PIK3CB: variants seen among roughly 807,000 people sequenced by gnomAD.
PIK3CB encodes phosphatidylinositol-4,5-bisphosphate 3-kinase catalytic subunit beta, also known as phosphatidylinositol 4,5-bisphosphate 3-kinase catalytic subunit beta isoform.
PIK3CB carries 39 observed loss-of-function variants against 136.8 expected under a neutral mutation model. That is an observed-to-expected ratio of 0.29 (90% CI 0.22 to 0.37). The LOEUF (loss-of-function observed/expected upper bound fraction) is 0.37, where lower values mean the gene tolerates loss of function less well. PIK3CB is among the 10% of genes least tolerant of loss of function. The probability of loss-of-function intolerance (pLI) is 1.00; values close to 1 mark genes in which losing one functional copy is unlikely to be tolerated. For synonymous variants in PIK3CB, 428 were observed against 436.6 expected (o/e 0.98, Z 0.25); for missense variants, 868 against 1,275.4 (o/e 0.68, Z 4.87).
intron 12 of PIK3CB, among the ~76,000 whole-genome samples, chr3:138,702,495 T>C (rs571952260): frequency 6.6e-6 from 1 of 152,204 alleles, no homozygotes; most frequent in East Asian, 1.9e-4. Flanking sequence ...TTAGGTCAGG[T>C]ACAAGTTTAT....
chr3:138,731,710 C>T (rs1031637393), intron 8 of PIK3CB, among the ~76,000 whole-genome samples: 27 of 151,862 alleles, frequency 1.8e-4, no homozygotes, highest in African/African-American at 6.5e-4. Context: ...CTAGGCTGGG[C>T]GCAGTGGCTC....
At chr3:138,705,200 A>AAAAAAAAAAAAAT (rs2044353746) in intron 11 of PIK3CB, among the ~76,000 whole-genome samples, 3 of 144,170 alleles carry the variant, frequency 2.1e-5, no homozygotes, top group East Asian at 2.1e-4. Flanking sequence ...CAAAAAAAAA[A>AAAAAAAAAAAAAT]ACTTATATTT....
At chr3:138,697,509 C>T (rs2044163272) in intron 13 of PIK3CB, among the ~76,000 whole-genome samples, 1 of 152,130 alleles carries the variant, frequency 6.6e-6, no homozygotes, top group East Asian at 1.9e-4. Context: ...AATCTTGGCT[C>T]ACTGCAACCT....
chr3:138,755,401 G>C (rs989935589), intron 4 of PIK3CB, among the ~76,000 whole-genome samples: 2 of 152,086 alleles, frequency 1.3e-5, no homozygotes, highest in African/African-American at 4.8e-5. Flanking sequence ...CAGCACTTTG[G>C]GGGGCCAAGG....
rs2043164774 is a variant in PIK3CB at position 138,654,796 on chromosome 3, C to G, written c.*593G>C. The G allele has an allele frequency of 9.4e-6, 2 of 212,782 alleles. No homozygotes were observed. Among genetic ancestry groups the G allele is most frequent in the Non-Finnish European group, 1.9e-5 (2 of 105,256 alleles). The allele number at this position is 212,782 out of a possible 1,614,324, so 13.2% of individuals were successfully genotyped here. On this transcript the variant is annotated 3_prime_UTR_variant, in exon 24 of 24. Coordinates refer to ENST00000674063, the MANE Select transcript of PIK3CB (RefSeq NM_006219.3). ...ATTTGCCTCACCAGTAGATTTTCAGCAAGTCTGGCTGGAATGATGCTATCA... is the reference window on the plus strand; with the variant it reads ...ATTTGCCTCACCAGTAGATTTTCAGGAAGTCTGGCTGGAATGATGCTATCA...
chr3:138,693,119 G>A (rs1301618056), intron 14 of PIK3CB, among the ~76,000 whole-genome samples: 3 of 152,118 alleles, frequency 2.0e-5, no homozygotes, highest in African/African-American at 7.2e-5. Context: ...TTTTGAGACA[G>A]GGTCTCACTC....
At chr3:138,785,607 G>A (rs954670317) in intron 2 of PIK3CB, among the ~76,000 whole-genome samples, 5 of 152,112 alleles carry the variant, frequency 3.3e-5, no homozygotes, top group Non-Finnish European at 2.9e-5. Flanking sequence ...TTAAACAGAT[G>A]CTTGAAGGCA....
intron 2 of PIK3CB, among the ~76,000 whole-genome samples, chr3:138,775,188 A>G (rs546313958): frequency 2.6e-5 from 4 of 152,350 alleles, no homozygotes; most frequent in South Asian, 2.1e-4. Flanking sequence ...GAGGACACAG[A>G]GAGTCCAGAG....
intron 21 of PIK3CB, 60 bp downstream of exon 21, chr3:138,663,846 A>T (rs1057086846): frequency 6.4e-7 from 1 of 1,552,814 alleles, no homozygotes; most frequent in Non-Finnish European, 8.7e-7. Context: ...ACAAGAGATT[A>T]TGCTATACAT....
chr3:138,714,863 C>G, intron 8 of PIK3CB, 144 bp from the exon 9 acceptor site: 1 of 737,646 alleles, frequency 1.4e-6, no homozygotes, highest in Non-Finnish European at 2.1e-6. Context: ...AGAAACATGC[C>G]AAGTTTTAGA....
In PIK3CB at chr3:138,779,280, G is replaced by C. The variant is rs1195949612; in HGVS notation, c.-17+17183C>G. Among the ~76,000 whole-genome samples the C allele has an allele frequency of 4.6e-5, 7 of 151,144 alleles. No individual in the cohort carries two copies. In the East Asian group the frequency reaches 1.2e-3, roughly 25 times the overall value. On this transcript the variant is annotated intron_variant, in intron 2 of 23. Transcript: ENST00000674063. ...TTTTTGTATTTTTAGTAGAGACAGG[G>C]TTTCACCGTGTTAGCCAGGATGGTC... is the stretch of plus-strand genomic sequence containing the variant.
At chr3:138,804,306 G>C (rs142470881) in intron 1 of PIK3CB, among the ~76,000 whole-genome samples, 41 of 152,200 alleles carry the variant, frequency 2.7e-4, no homozygotes, top group African/African-American at 9.4e-4. Context: ...TTGAGCCCAG[G>C]AGTTCAAGAC....
intron 19 of PIK3CB, among the ~76,000 whole-genome samples, chr3:138,679,652 T>C (rs1223174873): frequency 6.6e-6 from 1 of 151,776 alleles, no homozygotes; most frequent in Non-Finnish European, 1.5e-5. Flanking sequence ...AGCGTGATCT[T>C]GGCTCACTGC....
chr3:138,693,130 T>G (rs1441251364), intron 14 of PIK3CB, among the ~76,000 whole-genome samples: 1 of 152,216 alleles, frequency 6.6e-6, no homozygotes, highest in African/African-American at 2.4e-5. Context: ...GGTCTCACTC[T>G]GTCACCCAGG....
At chr3:138,764,903 A>T (rs2108749162) in intron 2 of PIK3CB, among the ~76,000 whole-genome samples, 1 of 152,318 alleles carries the variant, frequency 6.6e-6, no homozygotes, top group South Asian at 2.1e-4. Context: ...ACTGTATTAA[A>T]GCTCACTGTG....
intron 11 of PIK3CB, 55 bp downstream of exon 11, chr3:138,707,104 G>T (rs2044394453): frequency 9.6e-7 from 1 of 1,046,926 alleles, no homozygotes; most frequent in Non-Finnish European, 1.5e-6. Flanking sequence ...TATACATAGA[G>T]GAACTGATCA....
chr3:138,668,763 G>C (rs942002542), intron 19 of PIK3CB, among the ~76,000 whole-genome samples: 1 of 152,084 alleles, frequency 6.6e-6, no homozygotes, highest in East Asian at 1.9e-4. Flanking sequence ...GGTGAAGTCA[G>C]GGCCTTCAGT....
rs1179221176 is a variant in PIK3CB at position 138,693,936 on chromosome 3, A to AATATAT, written c.1892+844_1892+849dup. On this transcript the variant is annotated intron_variant, in intron 14 of 23. Transcript: ENST00000674063. ...CTTTAACTGTAATGTATTTGCTTAA[A>AATATAT]ATATATATATATATATATATATATA... Among the ~76,000 whole-genome samples the AATATAT allele has an allele frequency of 1.1e-3, 72 of 64,604 alleles. 1 individual carries two copies. Among genetic ancestry groups the AATATAT allele is most frequent in the Middle Eastern group, 0.02 (2 of 98 alleles). The allele number at this position is 64,604 out of a possible 152,430, so 42.4% of individuals were successfully genotyped here.
chr3:138,812,535 T>TC (rs1933120510), intron 1 of PIK3CB, among the ~76,000 whole-genome samples: 1 of 146,942 alleles, frequency 6.8e-6, no homozygotes, highest in Admixed American at 6.8e-5. Context: ...GTGCCTGGCT[T>TC]TTTTTTTTTT....
Sources: gnomAD v4.1 joint callset for allele counts (sites outside exome capture counted in the v4.1 genomes callset) on GRCh38, gnomAD v4.1.1 for gene constraint, MANE v1.5 for transcripts, NCBI Gene and HGNC (gene_info 2026-07-23, HGNC 2026-07-21) for gene names.